The following TMTC2 variants were observed in gnomAD, a reference collection of about 807,000 sequenced individuals.
The protein encoded by TMTC2 is transmembrane O-mannosyltransferase targeting cadherins 2.
Under a neutral mutation model 82.4 loss-of-function variants are expected in TMTC2, and 43 were observed. That is an observed-to-expected ratio of 0.52 (90% CI 0.41 to 0.67). The LOEUF (loss-of-function observed/expected upper bound fraction) is 0.67. TMTC2 is among the 30% of genes least tolerant of loss of function. The pLI is 0.00. For missense variants in TMTC2, 919 were observed against 1,012.4 expected (o/e 0.91, Z 1.25); for synonymous variants, 408 against 381.9 (o/e 1.07, Z -0.80).
intron 3 of TMTC2, among the ~76,000 whole-genome samples, chr12:82,919,349 T>C (rs7297707): frequency 0.87 from 132,427 of 152,230 alleles, 58,470 homozygotes; most frequent in East Asian, 1. Context: ...TGCAGTTACA[T>C]TGGGAATTAA....
intron 2 of TMTC2, among the ~76,000 whole-genome samples, chr12:82,882,884 T>C (rs12298134): frequency 0.15 from 22,157 of 151,786 alleles, 4,940 homozygotes; most frequent in African/African-American, 0.48. Flanking sequence ...CGTGAAACCC[T>C]GTCTCTACTA....
At chr12:82,708,110 A>G (rs933220249) in intron 1 of TMTC2, among the ~76,000 whole-genome samples, 6 of 152,106 alleles carry the variant, frequency 3.9e-5, no homozygotes, top group African/African-American at 1.4e-4. Flanking sequence ...CTTTCTCTCT[A>G]CAATGTCAGG....
intron 4 of TMTC2, among the ~76,000 whole-genome samples, chr12:82,937,701 G>GTGT (rs1555199164): frequency 7.0e-4 from 51 of 73,270 alleles, no homozygotes; most frequent in African/African-American, 2.5e-3. Context: ...AAATGTCAAT[G>GTGT]GTGTGTGTGT....
chr12:82,988,109 G>A (rs774422766), intron 8 of TMTC2, among the ~76,000 whole-genome samples: 7 of 152,170 alleles, frequency 4.6e-5, no homozygotes, highest in Non-Finnish European at 7.3e-5. Flanking sequence ...TGGTGATGAT[G>A]TGGGCAAATC....
chr12:83,072,636 A>G (rs904145955), intron 11 of TMTC2, among the ~76,000 whole-genome samples: 23 of 151,898 alleles, frequency 1.5e-4, no homozygotes, highest in Admixed American at 9.2e-4. Flanking sequence ...GTTATTGTCT[A>G]ATTTCTTAGT....
At chr12:83,088,883 GA>G (rs1320983002) in intron 11 of TMTC2, among the ~76,000 whole-genome samples, 1 of 152,156 alleles carries the variant, frequency 6.6e-6, no homozygotes, top group Admixed American at 6.5e-5. Context: ...TTCTCAGAAA[GA>G]AATATTTATT....
intron 1 of TMTC2, among the ~76,000 whole-genome samples, chr12:82,832,222 T>C (rs1449827009): frequency 2.0e-5 from 3 of 151,992 alleles, no homozygotes; most frequent in African/African-American, 7.2e-5. Context: ...CATTTGGCTG[T>C]GAAGTTAAAA....
chr12:82,737,569 G>A (rs1875189128), intron 1 of TMTC2, among the ~76,000 whole-genome samples: 1 of 151,920 alleles, frequency 6.6e-6, no homozygotes, highest in Non-Finnish European at 1.5e-5. Context: ...GGAGCAGGAA[G>A]TAGATGCCAG....
chr12:83,051,244 A>G (rs565126292), intron 10 of TMTC2, among the ~76,000 whole-genome samples: 3 of 152,258 alleles, frequency 2.0e-5, no homozygotes, highest in African/African-American at 4.8e-5. Flanking sequence ...ATGCATTCCA[A>G]TGCAAATTCA....
intron 1 of TMTC2, among the ~76,000 whole-genome samples, chr12:82,688,281 C>G (rs997761748): frequency 1.3e-5 from 2 of 152,202 alleles, no homozygotes; most frequent in African/African-American, 4.8e-5. Flanking sequence ...TTGGGCAGCA[C>G]TTTATAAAAG....
At chr12:82,800,392 T>C (rs1252192422) in intron 1 of TMTC2, among the ~76,000 whole-genome samples, 1 of 152,146 alleles carries the variant, frequency 6.6e-6, no homozygotes, top group African/African-American at 2.4e-5. Flanking sequence ...TCCTACGCTG[T>C]CATGATTCCT....
intron 3 of TMTC2, 108 bp downstream of exon 3, chr12:82,896,754 T>C: frequency 2.5e-6 from 2 of 787,844 alleles, no homozygotes; most frequent in Non-Finnish European, 3.9e-6. Flanking sequence ...GGTCCTTTTA[T>C]GCAGTACCTG....
At chr12:82,876,174 G>GGTGGTGGTGGTGGTATTAGTA (rs1872565978) in intron 2 of TMTC2, among the ~76,000 whole-genome samples, 3 of 144,556 alleles carry the variant, frequency 2.1e-5, no homozygotes, top group African/African-American at 8.4e-5. Context: ...TAGTGTTGTT[G>GGTGGTGGTGGTGGTATTAGTA]ATCGGGTGGT....
intron 1 of TMTC2, among the ~76,000 whole-genome samples, chr12:82,701,754 C>G (rs1329588660): frequency 6.8e-6 from 1 of 147,476 alleles, no homozygotes; most frequent in Non-Finnish European, 1.5e-5. Flanking sequence ...AGCAAAACTC[C>G]GTCTCAAAAA....
rs58427886 is a variant in TMTC2, at chr12:82,752,147, C to CATTTTTTTTTTTTTTTTTTTTTTTTT, written c.83+64478_83+64479insATTTTTTTTTTTTTTTTTTTTTTTTT. On this transcript the variant is annotated intron_variant, in intron 1 of 11. Coordinates refer to ENST00000321196, the MANE Select transcript of TMTC2 (RefSeq NM_152588.3). ...ATGTTTTTATATTTATTGGAAGCTCCTTTTTTTTTTTTTTTTTTTCTGAAG... is the reference window on the plus strand; with the variant it reads ...ATGTTTTTATATTTATTGGAAGCTCCATTTTTTTTTTTTTTTTTTTTTTTTTTTTTTTTTTTTTTTTTTTTCTGAAG... Among the ~76,000 whole-genome samples, 11 of 137,928 alleles carry CATTTTTTTTTTTTTTTTTTTTTTTTT rather than the reference C, an allele frequency of 8.0e-5. 4 individuals carry two copies. Among genetic ancestry groups the CATTTTTTTTTTTTTTTTTTTTTTTTT allele is most frequent in the Non-Finnish European group, 1.5e-5 (1 of 66,034 alleles). 90.5% of individuals were successfully genotyped at this position (137,928 alleles called of 152,430 possible).
chr12:82,937,377 G>A (rs1246231437), intron 4 of TMTC2, among the ~76,000 whole-genome samples: 2 of 152,008 alleles, frequency 1.3e-5, no homozygotes, highest in Non-Finnish European at 2.9e-5. Context: ...ATGTTGTCCT[G>A]TGTATTTCTA....
intron 8 of TMTC2, among the ~76,000 whole-genome samples, chr12:82,999,351 A>G (rs1319432729): frequency 2.0e-5 from 3 of 152,200 alleles, no homozygotes; most frequent in Admixed American, 1.3e-4. Flanking sequence ...CATCCTCATG[A>G]TATCAAGGAT....
At chr12:82,973,622 G>A (rs1191653376) in intron 7 of TMTC2, among the ~76,000 whole-genome samples, 1 of 152,102 alleles carries the variant, frequency 6.6e-6, no homozygotes, top group African/African-American at 2.4e-5. Flanking sequence ...TCTACATTAT[G>A]TACTATGGTT....
intron 8 of TMTC2, among the ~76,000 whole-genome samples, chr12:83,009,042 T>C (rs1880331553): frequency 6.6e-6 from 1 of 152,226 alleles, no homozygotes; most frequent in Non-Finnish European, 1.5e-5. Flanking sequence ...GGCCTGTGTC[T>C]GTGTCCTGTG....
Sources: allele counts gnomAD v4.1 joint callset (sites outside exome capture counted in the v4.1 genomes callset), GRCh38; gene constraint gnomAD v4.1.1; transcripts MANE v1.5; gene names NCBI Gene and HGNC (gene_info 2026-07-23, HGNC 2026-07-21).